CUX1: variants seen among roughly 807,000 people sequenced by gnomAD.
The protein encoded by CUX1 is cut like homeobox 1, also known as protein CASP.
Under a neutral mutation model 158.8 loss-of-function variants are expected in CUX1, and 31 were observed. The ratio of observed to expected loss-of-function variants is 0.20; its 90% CI spans 0.15 to 0.26. The LOEUF is 0.26. Ranked by LOEUF, CUX1 falls within the 10% of genes least tolerant of loss-of-function variation. The pLI, the probability that CUX1 is intolerant of heterozygous loss-of-function variation, is 1.00. For missense variants in CUX1, 1,589 were observed against 2,014.6 expected (o/e 0.79, Z 4.04); for synonymous variants, 879 against 862.1 (o/e 1.02, Z -0.34).
At chr7:102,002,621 A>G (rs190399173) in intron 2 of CUX1, among the ~76,000 whole-genome samples, 11 of 152,304 alleles carry the variant, frequency 7.2e-5, no homozygotes, top group Non-Finnish European at 1.3e-4. Context: ...CAGTCTTCCA[A>G]GAGTCCAGCT....
At chr7:101,816,894 C>T (rs1791877852), upstream of CUX1, 9 of 980,166 alleles carry the variant, frequency 9.2e-6, no homozygotes, top group Non-Finnish European at 9.7e-6. Flanking sequence ...GCCGCTCCGG[C>T]ACCCCGCGTG....
In CUX1 at chr7:102,081,878, C is replaced by T. The variant is rs1159423057; in HGVS notation, c.268+11461C>T. On this transcript the variant is annotated intron_variant, in intron 4 of 23. Coordinates refer to ENST00000292535, the MANE Select transcript of CUX1 (RefSeq NM_181552.4). ...TGACCTCGGGTGATGCGTCCGCCTCCGCCTCCCAAAGTGTTGGGATTAGAG... is the reference window on the plus strand; with the variant it reads ...TGACCTCGGGTGATGCGTCCGCCTCTGCCTCCCAAAGTGTTGGGATTAGAG... 1.4e-5 allele frequency among the ~76,000 whole-genome samples: 2 copies of T among 146,644 alleles called. 1 individual carries two copies. The highest frequency in any genetic ancestry group is 3.1e-5 in the Non-Finnish European group (2 of 64,890).
intron 10 of CUX1, among the ~76,000 whole-genome samples, chr7:102,170,909 G>A (rs555611848): frequency 6.6e-6 from 1 of 151,798 alleles, no homozygotes. Context: ...AGAATGACAC[G>A]GAGAAATTGA....
intron 1 of CUX1, among the ~76,000 whole-genome samples, chr7:101,915,078 G>A (rs912586644): frequency 8.5e-5 from 13 of 152,240 alleles, no homozygotes; most frequent in African/African-American, 2.2e-4. Context: ...GGTCCCAACC[G>A]TGAGAAGCCA....
intron 2 of CUX1, among the ~76,000 whole-genome samples, chr7:101,933,770 G>T (rs900751435): frequency 2.8e-4 from 43 of 152,098 alleles, no homozygotes; most frequent in African/African-American, 8.0e-4. Flanking sequence ...TTCTTGGTTT[G>T]TTCGCATACT....
intron 2 of CUX1, among the ~76,000 whole-genome samples, chr7:101,979,320 C>A (rs533173128): frequency 6.6e-6 from 1 of 152,326 alleles, no homozygotes; most frequent in East Asian, 1.9e-4. Flanking sequence ...TCATCACCCA[C>A]ACCGAAGGAA....
chr7:102,031,023 T>C lies in CUX1; in HGVS notation c.189+2878T>C, dbSNP rs1820732035. Among the ~76,000 whole-genome samples, 3 of 152,020 alleles carry C rather than the reference T, an allele frequency of 2.0e-5. No homozygotes were observed. In the South Asian group the frequency reaches 6.2e-4, roughly 32 times the overall value. On this transcript the variant is annotated intron_variant, in intron 3 of 23. Coordinates refer to ENST00000292535, the MANE Select transcript of CUX1 (RefSeq NM_181552.4). ...GGCCCCTGCATTATCTCTTTTAATG[T>C]AGGACATCCTCTCCATCTCCATCAC...
intron 20 of CUX1, among the ~76,000 whole-genome samples, chr7:102,213,478 T>C (rs1217843672): frequency 6.6e-6 from 1 of 152,126 alleles, no homozygotes; most frequent in Non-Finnish European, 1.5e-5. Context: ...CTCACATAAC[T>C]CTCGTTCTTC....
chr7:102,212,514 AC>A (rs1796649222), intron 20 of CUX1, among the ~76,000 whole-genome samples: 2 of 152,140 alleles, frequency 1.3e-5, no homozygotes, highest in Non-Finnish European at 1.5e-5. Flanking sequence ...GATTTATTTG[AC>A]TTTTTTGTTT....
intron 2 of CUX1, among the ~76,000 whole-genome samples, chr7:101,966,515 G>C (rs113652470): frequency 6.6e-6 from 1 of 152,032 alleles, no homozygotes; most frequent in Non-Finnish European, 1.5e-5. Context: ...TGAGATTTTC[G>C]TAGTAAGGTG....
chr7:101,943,915 T>G (rs1414960918), intron 2 of CUX1, among the ~76,000 whole-genome samples: 1 of 151,234 alleles, frequency 6.6e-6, no homozygotes, highest in East Asian at 1.9e-4. Context: ...GCCCAGGAGT[T>G]TGAGACCAGC....
chr7:102,021,957 A>C (rs937002331), intron 2 of CUX1, among the ~76,000 whole-genome samples: 1 of 152,168 alleles, frequency 6.6e-6, no homozygotes, highest in African/African-American at 2.4e-5. Flanking sequence ...TGCTGATTCC[A>C]GTGAGCCTCT....
chr7:102,229,206 C>T (rs1798682697), intron 21 of CUX1, among the ~76,000 whole-genome samples: 1 of 152,124 alleles, frequency 6.6e-6, no homozygotes, highest in African/African-American at 2.4e-5. Flanking sequence ...CTGGCACATG[C>T]TCTAGCCCCC....
chr7:102,033,105 C>T (rs1820989049), intron 3 of CUX1, among the ~76,000 whole-genome samples: 1 of 152,076 alleles, frequency 6.6e-6, no homozygotes, highest in Non-Finnish European at 1.5e-5. Context: ...CTTGAGTGCT[C>T]GTATTAGAGA....
intron 1 of CUX1, among the ~76,000 whole-genome samples, chr7:101,899,694 C>T (rs527453088): frequency 2.6e-4 from 40 of 152,314 alleles, no homozygotes; most frequent in Non-Finnish European, 5.4e-4. Flanking sequence ...TACATAAGAA[C>T]TCACGTCTAG....
chr7:101,821,620 G>A (rs1384559622), intron 1 of CUX1, among the ~76,000 whole-genome samples: 2 of 148,896 alleles, frequency 1.3e-5, no homozygotes, highest in African/African-American at 4.9e-5. Flanking sequence ...TTACAGGCGT[G>A]AGCCACCGTG....
rs1554484616 is a variant in CUX1 at position 102,097,416 on chromosome 7, C to G, written c.321C>G (p.Arg107=). The G allele has an allele frequency of 6.2e-7, 1 of 1,613,734 alleles. No individual in the cohort carries two copies. Among genetic ancestry groups the G allele is most frequent in the Admixed American group, 1.7e-5 (1 of 59,860 alleles). The change falls in exon 5 of 24, where the codon CGC becomes CGG. Residue 107 remains arginine, a synonymous_variant. Coordinates refer to ENST00000292535, the MANE Select transcript of CUX1 (RefSeq NM_181552.4). ...LGQQLQLKVQ[R]LHDIETENQK... ...AGCAACTCCAGCTCAAAGTGCAGCG[C>G]CTGCACGATATTGAAACAGAGAACC...
intron 10 of CUX1, among the ~76,000 whole-genome samples, chr7:102,177,168 C>T (rs1554512235): frequency 6.6e-6 from 1 of 151,804 alleles, no homozygotes; most frequent in East Asian, 1.9e-4. Context: ...AATCCCAGCA[C>T]TTTGGGAGGC....
chr7:101,865,090 T>A (rs985341059), intron 1 of CUX1, among the ~76,000 whole-genome samples: 9 of 152,186 alleles, frequency 5.9e-5, no homozygotes, highest in African/African-American at 2.2e-4. Context: ...CCAGAGAGAA[T>A]GAGGCTTTGC....
Sources: allele counts gnomAD v4.1 joint callset (sites outside exome capture counted in the v4.1 genomes callset), GRCh38; gene constraint gnomAD v4.1.1; transcripts MANE v1.5; gene names NCBI Gene and HGNC (gene_info 2026-07-23, HGNC 2026-07-21).